The following LDHC variants were observed in gnomAD, a reference collection of about 807,000 sequenced individuals.
LDHC encodes L-lactate dehydrogenase C chain.
A neutral mutation model predicts 30.2 loss-of-function variants in LDHC; 20 were observed. The ratio of observed to expected loss-of-function variants is 0.66; its 90% confidence interval spans 0.47 to 0.96. LDHC has a LOEUF of 0.96. LDHC is among the 40% of genes least tolerant of loss of function. The probability of loss-of-function intolerance (pLI) is 0.00; values close to 1 mark genes in which losing one functional copy is unlikely to be tolerated. For missense variants in LDHC, 362 were observed against 394.9 expected, an observed-to-expected ratio of 0.92 and a Z score of 0.71; for synonymous variants, 139 against 132.7, an observed-to-expected ratio of 1.05 and a Z score of -0.32.
At position 18,451,481 on chromosome 11, in the gene LDHC, T is replaced by A. The variant is rs1021201720; in HGVS notation, c.*354T>A. ...AGCCCTTTTTCTAGTATTACAATTT[T>A]ATCTTGTACTTTCATCCGTTAGAGT... is the stretch of plus-strand genomic sequence containing the variant. On this transcript the variant is annotated 3_prime_UTR_variant, in exon 8 of 8. Transcript: ENST00000541669. The A allele has an allele frequency of 6.4e-6, 1 of 155,656 alleles. No homozygotes were observed. The highest frequency in any genetic ancestry group is 2.4e-5 in the African/African-American group (1 of 41,582). 9.6% of individuals were successfully genotyped at this position (155,656 alleles called of 1,614,324 possible).
rs763083445 is a variant in LDHC at position 18,438,478 on chromosome 11, C to T, written c.593-50C>T. ...AAAAAACAACACTGAACTCAAACTCCTGATGCCATATTGGGAAGAAGAGTT... is the reference window on the plus strand; with the variant it reads ...AAAAAACAACACTGAACTCAAACTCTTGATGCCATATTGGGAAGAAGAGTT... On this transcript the variant is annotated intron_variant, in intron 5 of 7. Coordinates refer to ENST00000541669, the MANE Select transcript of LDHC (RefSeq NM_017448.5). 5 of 1,196,260 alleles carry T rather than the reference C, an allele frequency of 4.2e-6. No individual in the cohort carries two copies. The Admixed American group carries it at 7.0e-5, about 17-fold the overall frequency. The allele number at this position is 1,196,260 out of a possible 1,614,324, so 74.1% of individuals were successfully genotyped here. A position where few individuals can be genotyped will look rare whatever the true frequency, so the allele number is the denominator to read the frequency against.
Position 18,415,258 on chromosome 11 carries a change from T to A in LDHC, c.201T>A (p.His67Gln), listed in dbSNP as rs151274027. The A allele has an allele frequency of 6.2e-7, 1 of 1,607,406 alleles. No individual in the cohort carries two copies. The highest frequency in any genetic ancestry group is 8.5e-7 in the Non-Finnish European group (1 of 1,174,556). ...AGGGAGAAATGATGGATCTTCAGCA[T>A]GGCAGTCTTTTCTTTAGTACTTCAA... ...KLKGEMMDLQ[H>Q]GSLFFSTSKI... The change falls in exon 3 of 8, where the codon CAT becomes CAA. Residue 67 changes from histidine to glutamine, a missense_variant. Physicochemically the swap from His to Gln is conservative, Grantham distance 24. Transcript: ENST00000541669.
rs1356622317 is a variant in LDHC at position 18,451,065 on chromosome 11, G to C, written c.937G>C (p.Glu313Gln). The C allele has an allele frequency of 2.5e-6, 4 of 1,588,728 alleles. No individual in the cohort carries two copies. Among genetic ancestry groups the C allele is most frequent in the Non-Finnish European group, 3.4e-6 (4 of 1,170,798 alleles). Residue 313 changes from glutamate (E) to glutamine (Q), a missense_variant, in exon 8 of 8, where the codon GAG becomes CAG. Coordinates refer to ENST00000541669, the MANE Select transcript of LDHC (RefSeq NM_017448.5). ...VVKINLNSEE[E>Q]ALFKKSAETL... ...GAAAATTAACTTGAATTCTGAGGAGGAGGCCCTTTTCAAGAAGAGTGCAGA... is the reference window on the plus strand; with the variant it reads ...GAAAATTAACTTGAATTCTGAGGAGCAGGCCCTTTTCAAGAAGAGTGCAGA...
chr11:18,416,608 G>C (rs968310187), intron 3 of LDHC, among the ~76,000 whole-genome samples: 1 of 152,106 alleles, frequency 6.6e-6, no homozygotes, highest in Non-Finnish European at 1.5e-5. Flanking sequence ...CTGATTTTCT[G>C]GTTGTAGGGC....
At chr11:18,438,757 G>T in intron 6 of LDHC, 112 bp downstream of exon 6, 2 of 585,654 alleles carry the variant, frequency 3.4e-6, no homozygotes, top group Non-Finnish European at 3.1e-6. Flanking sequence ...AATAACTCTA[G>T]GCTCCTGAAA....
At chr11:18,426,084 C>T (rs1204597469) in intron 3 of LDHC, among the ~76,000 whole-genome samples, 2 of 151,080 alleles carry the variant, frequency 1.3e-5, no homozygotes, top group Non-Finnish European at 2.9e-5. Flanking sequence ...GGCACAATCA[C>T]AGTGCACTGC....
chr11:18,425,556 T>G (rs73438604), intron 3 of LDHC, among the ~76,000 whole-genome samples: 22,674 of 151,988 alleles, frequency 0.15, 1,871 homozygotes, highest in African/African-American at 0.21. Flanking sequence ...TTTTGTGTGG[T>G]TTTAACAGAG....
chr11:18,439,781 C>T (rs1848425166), intron 6 of LDHC, among the ~76,000 whole-genome samples: 1 of 130,810 alleles, frequency 7.6e-6, no homozygotes, highest in South Asian at 2.6e-4. Flanking sequence ...TCGAGACCAG[C>T]CTGGCCAACA....
At chr11:18,426,668 C>T (rs903148767) in intron 3 of LDHC, among the ~76,000 whole-genome samples, 2 of 151,918 alleles carry the variant, frequency 1.3e-5, no homozygotes, top group Non-Finnish European at 2.9e-5. Flanking sequence ...ATAACATATG[C>T]TCTTATAAGG....
chr11:18,421,498 C>A (rs901074130), intron 3 of LDHC, among the ~76,000 whole-genome samples: 8 of 151,996 alleles, frequency 5.3e-5, no homozygotes, highest in African/African-American at 1.7e-4. Flanking sequence ...CCTGGTGAAA[C>A]CCCATCTCTA....
chr11:18,413,982 T>C (rs1035939576), intron 2 of LDHC, among the ~76,000 whole-genome samples: 5 of 152,224 alleles, frequency 3.3e-5, no homozygotes, highest in African/African-American at 9.6e-5. Context: ...TTCACACATA[T>C]CAAGACATAG....
intron 3 of LDHC, among the ~76,000 whole-genome samples, chr11:18,424,052 C>G (rs751960747): frequency 2.0e-5 from 3 of 151,728 alleles, no homozygotes; most frequent in Non-Finnish European, 2.9e-5. Context: ...AATAAGTGCT[C>G]TCACACACAG....
intron 2 of LDHC, among the ~76,000 whole-genome samples, chr11:18,414,194 C>G (rs1866962150): frequency 6.6e-6 from 1 of 152,196 alleles, no homozygotes; most frequent in African/African-American, 2.4e-5. Flanking sequence ...CTTCCGTCTT[C>G]CATTTTCAAA....
At chr11:18,432,466 T>C (rs112255258) in intron 4 of LDHC, among the ~76,000 whole-genome samples, 1 of 152,210 alleles carries the variant, frequency 6.6e-6, no homozygotes, top group East Asian at 1.9e-4. Context: ...TGTGTATATA[T>C]CTGTTAAATC....
intron 3 of LDHC, among the ~76,000 whole-genome samples, chr11:18,416,564 C>T (rs1867026323): frequency 6.6e-6 from 1 of 152,162 alleles, no homozygotes; most frequent in Admixed American, 6.6e-5. Context: ...TTATATCGAC[C>T]TAAAACATAC....
intron 3 of LDHC, among the ~76,000 whole-genome samples, chr11:18,418,721 C>CT (rs1867068018): frequency 6.6e-6 from 1 of 152,146 alleles, no homozygotes; most frequent in Non-Finnish European, 1.5e-5. Flanking sequence ...GCCACCGCAC[C>CT]TGGCCATATT....
At chr11:18,435,581 G>A (rs1356578898) in intron 5 of LDHC, among the ~76,000 whole-genome samples, 1 of 151,974 alleles carries the variant, frequency 6.6e-6, no homozygotes, top group Non-Finnish European at 1.5e-5. Flanking sequence ...TTTGTAAGTT[G>A]CCCAGTCTCA....
intron 3 of LDHC, among the ~76,000 whole-genome samples, chr11:18,429,534 A>C (rs906099536): frequency 1.3e-5 from 2 of 152,166 alleles, no homozygotes; most frequent in Admixed American, 6.6e-5. Flanking sequence ...TGAGGTAGCT[A>C]TGTGAAATTT....
At chr11:18,416,416 A>G (rs1867023797) in intron 3 of LDHC, among the ~76,000 whole-genome samples, 1 of 152,204 alleles carries the variant, frequency 6.6e-6, no homozygotes, top group Non-Finnish European at 1.5e-5. Context: ...ATCATACACT[A>G]AAGTATATGG....
Sources: gnomAD v4.1 joint callset for allele counts (sites outside exome capture counted in the v4.1 genomes callset) on GRCh38, gnomAD v4.1.1 for gene constraint, MANE v1.5 for transcripts, NCBI Gene and HGNC (gene_info 2026-07-23, HGNC 2026-07-21) for gene names.